The following UVRAG variants were observed in gnomAD, a reference collection of about 807,000 sequenced individuals.
UVRAG encodes UV radiation resistance-associated gene protein.
In UVRAG, 19 loss-of-function variants were observed where a neutral mutation model predicts 78.0. The observed-to-expected ratio is 0.24, with a 90% CI of 0.17 to 0.36. The LOEUF is 0.36. Ranked by LOEUF, UVRAG falls within the 10% of genes least tolerant of loss-of-function variation. The pLI is 1.00. For synonymous variants in UVRAG, 323 were observed against 324.6 expected, an observed-to-expected ratio of 1.00 and a Z score of 0.05; for missense variants, 740 against 853.8, an observed-to-expected ratio of 0.87 and a Z score of 1.66.
intron 6 of UVRAG, among the ~76,000 whole-genome samples, chr11:75,912,602 T>C (rs1269810124): frequency 2.6e-5 from 4 of 152,230 alleles, no homozygotes; most frequent in Non-Finnish European, 5.9e-5. Flanking sequence ...AAGGATATTT[T>C]TCCAGGGAGC....
intron 12 of UVRAG, among the ~76,000 whole-genome samples, chr11:76,019,127 T>G (rs1365702100): frequency 6.6e-6 from 1 of 152,250 alleles, no homozygotes; most frequent in East Asian, 1.9e-4. Flanking sequence ...TAAGAGACTT[T>G]GATGCATTCT....
chr11:76,034,528 G>A (rs1701601413), intron 12 of UVRAG, among the ~76,000 whole-genome samples: 1 of 151,992 alleles, frequency 6.6e-6, no homozygotes, highest in South Asian at 2.1e-4. Context: ...TTTTTTAAAG[G>A]CTACTTTTTA....
intron 5 of UVRAG, among the ~76,000 whole-genome samples, chr11:75,898,915 G>A (rs1374968824): frequency 4.6e-5 from 7 of 151,980 alleles, no homozygotes; most frequent in Admixed American, 2.0e-4. Context: ...TCCAAAGCAC[G>A]TCCCAAACAG....
intron 14 of UVRAG, among the ~76,000 whole-genome samples, chr11:76,136,818 T>C (rs947684371): frequency 3.9e-5 from 6 of 152,186 alleles, no homozygotes; most frequent in Non-Finnish European, 8.8e-5. Flanking sequence ...CTTTAAAAAT[T>C]AAACACATAT....
intron 1 of UVRAG, among the ~76,000 whole-genome samples, chr11:75,818,577 C>T (rs910588946): frequency 2.0e-5 from 3 of 151,268 alleles, no homozygotes; most frequent in Non-Finnish European, 4.4e-5. Context: ...CTCCTGGGTT[C>T]AAGCGATTCT....
At chr11:75,924,477 C>T (rs1402459084) in intron 6 of UVRAG, among the ~76,000 whole-genome samples, 1 of 151,794 alleles carries the variant, frequency 6.6e-6, no homozygotes. Flanking sequence ...GCTCTGTCTC[C>T]CAGGTTCATG....
intron 8 of UVRAG, among the ~76,000 whole-genome samples, chr11:75,990,216 G>A (rs1949578406): frequency 6.6e-6 from 1 of 152,110 alleles, no homozygotes; most frequent in Non-Finnish European, 1.5e-5. Context: ...AAAGGAACAG[G>A]CTTTGATTCA....
rs61749241 is a variant in UVRAG at position 75,983,505 on chromosome 11, A to C, written c.818A>C (p.Gln273Pro). ...CTGCATAAGCAACAAATTGCATTAC[A>C]AGACAAAGGTGAGTGGAAATACCAT... ...ALLHKQQIALQDKGSAFSAEH... is the reference protein window; with the variant it reads ...ALLHKQQIALPDKGSAFSAEH... Residue 273 changes from glutamine (Q) to proline (P), a missense_variant, in exon 8 of 15, where the codon CAA becomes CCA. Gln to Pro is a moderately conservative substitution (Grantham distance 76). Transcript: ENST00000356136. The C allele has an allele frequency of 3.6e-3, 5,774 of 1,599,176 alleles. 12 individuals carry two copies. The highest frequency in any genetic ancestry group is 9.3e-3 in the Middle Eastern group (56 of 6,014).
chr11:75,983,360 A>G (rs1407589783), intron 7 of UVRAG, 27 bp from the exon 8 acceptor site: 1 of 1,550,060 alleles, frequency 6.5e-7, no homozygotes, highest in Admixed American at 1.9e-5. Flanking sequence ...TATATTCATA[A>G]ATATACCTGT....
chr11:75,907,646 C>T (rs1265504893), intron 5 of UVRAG, among the ~76,000 whole-genome samples: 2 of 151,752 alleles, frequency 1.3e-5, no homozygotes, highest in East Asian at 1.9e-4. Flanking sequence ...CCTGAGTAGC[C>T]GGGACTGCAG....
chr11:75,849,184 GA>G (rs957753361), intron 1 of UVRAG, among the ~76,000 whole-genome samples: 9 of 120,120 alleles, frequency 7.5e-5, no homozygotes, highest in Middle Eastern at 6.1e-3. Flanking sequence ...CCTCTCAAAA[GA>G]AAAAAAAAAT....
intron 12 of UVRAG, among the ~76,000 whole-genome samples, chr11:76,032,878 A>G (rs1363495474): frequency 6.6e-6 from 1 of 152,238 alleles, no homozygotes; most frequent in Non-Finnish European, 1.5e-5. Flanking sequence ...TGAACAGTTA[A>G]CATTGAGACA....
chr11:76,084,722 CAGA>C (rs1951553728), intron 13 of UVRAG, among the ~76,000 whole-genome samples: 1 of 151,870 alleles, frequency 6.6e-6, no homozygotes, highest in Non-Finnish European at 1.5e-5. Context: ...TGGAGGGAAA[CAGA>C]AGAAGTTGCT....
chr11:75,976,137 G>T (rs1949233344), intron 7 of UVRAG, among the ~76,000 whole-genome samples: 1 of 152,162 alleles, frequency 6.6e-6, no homozygotes, highest in Non-Finnish European at 1.5e-5. Flanking sequence ...TGTGGTTTTT[G>T]TCTTTGGTTC....
At position 75,897,871 on chromosome 11, in the gene UVRAG, ATTTTTT is replaced by A. The variant is rs146122619; in HGVS notation, c.507+8981_507+8986del. ...ATATACTTACCTTCATAGCTCTTTA[ATTTTTT>A]TTTTTTTTTTTTGGACAAGTCTCGT... On this transcript the variant is annotated intron_variant, in intron 5 of 14. Coordinates refer to ENST00000356136, the MANE Select transcript of UVRAG (RefSeq NM_003369.4). Among the ~76,000 whole-genome samples, 10 of 108,898 alleles carry A rather than the reference ATTTTTT, an allele frequency of 9.2e-5. 1 individual carries two copies. The highest frequency in any genetic ancestry group is 1.3e-4 in the Non-Finnish European group (8 of 59,804). The allele number at this position is 108,898 out of a possible 152,430, so 71.4% of individuals were successfully genotyped here.
intron 11 of UVRAG, 104 bp from the exon 12 acceptor site, chr11:76,016,711 G>T: frequency 9.6e-7 from 1 of 1,039,154 alleles, no homozygotes; most frequent in East Asian, 2.9e-5. Context: ...AATATTTTAT[G>T]TACCACATAT....
intron 7 of UVRAG, among the ~76,000 whole-genome samples, chr11:75,979,208 A>T (rs1259063870): frequency 6.6e-6 from 1 of 152,176 alleles, no homozygotes; most frequent in Non-Finnish European, 1.5e-5. Context: ...CAGAACGGCA[A>T]ATGTTGCTGC....
At chr11:76,100,081 ATG>A (rs951086511) in intron 13 of UVRAG, among the ~76,000 whole-genome samples, 1 of 152,156 alleles carries the variant, frequency 6.6e-6, no homozygotes, top group African/African-American at 2.4e-5. Context: ...CAAAATCACA[ATG>A]TGTTTTTTAA....
chr11:75,901,989 C>T (rs1947513669), intron 5 of UVRAG, among the ~76,000 whole-genome samples: 1 of 152,156 alleles, frequency 6.6e-6, no homozygotes, highest in African/African-American at 2.4e-5. Context: ...ATTCTGATTG[C>T]CCGTTTGCTT....
Sources: gnomAD v4.1 joint callset for allele counts (sites outside exome capture counted in the v4.1 genomes callset) on GRCh38, gnomAD v4.1.1 for gene constraint, MANE v1.5 for transcripts, NCBI Gene and HGNC (gene_info 2026-07-23, HGNC 2026-07-21) for gene names.